The following ANKRD36C variants were observed in gnomAD, a reference collection of about 807,000 sequenced individuals.
The protein encoded by ANKRD36C is ankyrin repeat domain 36C.
A neutral mutation model predicts 276.4 loss-of-function variants in ANKRD36C; 61 were observed. The observed-to-expected ratio is 0.22, with a 90% CI of 0.18 to 0.27. ANKRD36C has a LOEUF of 0.27. Ranked by LOEUF, ANKRD36C falls within the 10% of genes least tolerant of loss-of-function variation. ANKRD36C has a pLI of 1.00. For missense variants in ANKRD36C, 1,447 were observed against 2,032.3 expected, an observed-to-expected ratio of 0.71 and a Z score of 5.54; for synonymous variants, 483 against 680.1, an observed-to-expected ratio of 0.71 and a Z score of 4.51.
At chr2:95,919,683 T>G in intron 34 of ANKRD36C, 50 bp downstream of exon 36, 1 of 800,936 alleles carries the variant, frequency 1.2e-6, no homozygotes, top group Non-Finnish European at 1.5e-6. Context: ...GATAGAGAAG[T>G]TCTTTTTTAT....
At chr2:95,974,917 C>A (rs4337509) in intron 6 of ANKRD36C, among the ~76,000 whole-genome samples, 1 of 149,654 alleles carries the variant, frequency 6.7e-6, no homozygotes, top group South Asian at 2.1e-4. Flanking sequence ...GGTTTTTTGT[C>A]CTTGCCATAG....
chr2:95,861,443 C>T (rs558527290), intron 60 of ANKRD36C, among the ~76,000 whole-genome samples: 3 of 150,550 alleles, frequency 2.0e-5, no homozygotes, highest in Admixed American at 1.3e-4. Context: ...ACCATAATCC[C>T]ACAGATTCAG....
At position 95,978,068 on chromosome 2, in the gene ANKRD36C, T is replaced by C. The variant is rs1678849646; in HGVS notation, c.799+54A>G. On this transcript the variant is annotated intron_variant, in intron 6 of 66. Transcript: ENST00000456556. ...TTTTTTGTAATCAAAACATCTTTAT[T>C]CTTTTTTATCTATGGTAGTACCATC... 9 of 597,314 alleles carry C rather than the reference T, an allele frequency of 1.5e-5. No homozygotes were observed. In the South Asian group the frequency reaches 1.9e-4, roughly 13 times the overall value. 37.0% of individuals were successfully genotyped at this position (597,314 alleles called of 1,614,324 possible). A position where few individuals can be genotyped will look rare whatever the true frequency, so the allele number is the denominator to read the frequency against.
intron 24 of ANKRD36C, among the ~76,000 whole-genome samples, chr2:95,929,566 G>A (rs1313830784): frequency 6.6e-6 from 1 of 151,524 alleles, no homozygotes; most frequent in Non-Finnish European, 1.5e-5. Flanking sequence ...TGAGTGATGA[G>A]GACAAATGTG....
At position 95,923,121 on chromosome 2, in the gene ANKRD36C, C is replaced by T. The variant is rs576648469; in HGVS notation, c.2143+374G>A. Among the ~76,000 whole-genome samples the T allele has an allele frequency of 2.0e-5, 3 of 151,664 alleles. No individual in the cohort carries two copies. The East Asian group carries it at 5.9e-4, about 30-fold the overall frequency. On this transcript the variant is annotated intron_variant, in intron 32 of 66. Transcript: ENST00000456556. ...TTTACTGGTTATTATGATCACTTTT[C>T]CATCTGTTTTTAGCAATACGATGTG...
Position 95,882,381 on chromosome 2 carries a change from G to A in ANKRD36C, c.3295-7C>T, listed in dbSNP as rs1372518319. ...CTTTCTTTTTAAATATAACCTGAAT[G>A]GAAAGAGAAACAAAATAGTCAATAC... is the stretch of plus-strand genomic sequence containing the variant. On this transcript the variant is annotated splice_region_variant and splice_polypyrimidine_tract_variant and intron_variant, in intron 55 of 66. Transcript: ENST00000456556. The A allele has an allele frequency of 6.5e-7, 1 of 1,549,098 alleles. No homozygotes were observed. The highest frequency in any genetic ancestry group is 2.4e-5 in the East Asian group (1 of 40,896).
chr2:95,963,921 C>A, intron 6 of ANKRD36C, among the ~76,000 whole-genome samples: 1 of 110,552 alleles, frequency 9.0e-6, no homozygotes, highest in Non-Finnish European at 1.8e-5. Context: ...TTATTAATAA[C>A]CAACCAAATA....
intron 62 of ANKRD36C, among the ~76,000 whole-genome samples, chr2:95,857,007 G>A (rs1484429668): frequency 5.9e-5 from 9 of 152,006 alleles, no homozygotes; most frequent in Non-Finnish European, 1.2e-4. Context: ...CATAACATTC[G>A]AAATGTAATT....
chr2:95,956,533 A>T (rs368432357), intron 13 of ANKRD36C, among the ~76,000 whole-genome samples: 1 of 151,720 alleles, frequency 6.6e-6, no homozygotes, highest in East Asian at 1.9e-4. Context: ...TGGTCAAATC[A>T]TGGGTTGGCT....
At chr2:95,888,689 T>C (rs1676261282) in intron 48 of ANKRD36C, among the ~76,000 whole-genome samples, 1 of 151,698 alleles carries the variant, frequency 6.6e-6, no homozygotes, top group African/African-American at 2.4e-5. Flanking sequence ...TATTCATTAT[T>C]TCTCACACCC....
intron 59 of ANKRD36C, among the ~76,000 whole-genome samples, chr2:95,875,538 G>C: frequency 8.9e-6 from 1 of 112,114 alleles, no homozygotes; most frequent in Non-Finnish European, 1.8e-5. Context: ...TGTGGGGTGG[G>C]GGGAGGGGGG....
intron 13 of ANKRD36C, among the ~76,000 whole-genome samples, chr2:95,956,347 A>G (rs988882711): frequency 3.3e-5 from 5 of 152,260 alleles, no homozygotes; most frequent in Non-Finnish European, 7.3e-5. Flanking sequence ...ATATTTGGAC[A>G]AAGTTTTGGA....
At position 95,880,765 on chromosome 2, in the gene ANKRD36C, G is replaced by A. The variant is rs1676059360; in HGVS notation, c.3368-142C>T. The A allele has an allele frequency of 3.7e-6, 4 of 1,088,822 alleles. No individual in the cohort carries two copies. The South Asian group carries it at 6.2e-5, about 17-fold the overall frequency. 67.4% of individuals were successfully genotyped at this position (1,088,822 alleles called of 1,614,324 possible). On this transcript the variant is annotated intron_variant, in intron 56 of 66. Transcript: ENST00000456556. ...ATGTTTTTCTAGTTTGTTTCTTTGG[G>A]ACAGTAATATGATAGAAATGCAATG...
chr2:95,960,387 A>G (rs1451336549), intron 10 of ANKRD36C, 86 bp downstream of exon 10: 27 of 1,487,398 alleles, frequency 1.8e-5, no homozygotes, highest in Non-Finnish European at 2.4e-5. Context: ...TGCAGCTTCA[A>G]TGAGCCCCCT....
intron 60 of ANKRD36C, among the ~76,000 whole-genome samples, chr2:95,862,334 C>T (rs1675606141): frequency 6.6e-6 from 1 of 151,988 alleles, no homozygotes; most frequent in African/African-American, 2.4e-5. Context: ...AAAGTATGTG[C>T]CCTGACCACA....
chr2:95,867,310 T>C (rs1675703263), intron 60 of ANKRD36C, 130 bp downstream of exon 80: 1 of 775,066 alleles, frequency 1.3e-6, no homozygotes, highest in Non-Finnish European at 2.0e-6. Context: ...CATTCTATTT[T>C]AACATAAGGC....
In ANKRD36C at chr2:95,920,187, C is replaced by T. The variant is rs113144152; in HGVS notation, c.2245+1420G>A. Among the ~76,000 whole-genome samples the T allele has an allele frequency of 2.6e-4, 35 of 132,546 alleles. 5 individuals are homozygous for T. Among genetic ancestry groups the T allele is most frequent in the South Asian group, 1.4e-3 (6 of 4,302 alleles). 87.0% of individuals were successfully genotyped at this position (132,546 alleles called of 152,430 possible). On this transcript the variant is annotated intron_variant, in intron 34 of 66. Coordinates refer to ENST00000456556, the Ensembl canonical transcript of ANKRD36C. Reference sequence around the variant, plus strand: ...TAAAATAAAACCGTGTCAATATCAACGTGGATATGCCGAGTGATGAGGACA... The same window carrying T: ...TAAAATAAAACCGTGTCAATATCAATGTGGATATGCCGAGTGATGAGGACA...
intron 36 of ANKRD36C, among the ~76,000 whole-genome samples, chr2:95,917,076 C>T (rs113790011): frequency 0.13 from 19,698 of 151,500 alleles, 1,969 homozygotes; most frequent in Non-Finnish European, 0.19. Context: ...GCTATTGTAT[C>T]CAAGACGTAG....
Position 95,927,211 on chromosome 2 carries a change from T to C in ANKRD36C, c.1939+3A>G, listed in dbSNP as rs755073350. On this transcript the variant is annotated splice_donor_region_variant and intron_variant, in intron 28 of 66. Transcript: ENST00000456556. ...TGACATTAAATGTGTTTTGCAAAAT[T>C]ACCTGTCCCAGATTGTTGTCCCTCC... The C allele has an allele frequency of 6.2e-7, 1 of 1,609,932 alleles. No individual in the cohort carries two copies. Among genetic ancestry groups the C allele is most frequent in the South Asian group, 1.1e-5 (1 of 91,020 alleles).
Sources: gnomAD v4.1 joint callset for allele counts (sites outside exome capture counted in the v4.1 genomes callset) on GRCh38, gnomAD v4.1.1 for gene constraint, MANE v1.5 for transcripts, NCBI Gene and HGNC (gene_info 2026-07-23, HGNC 2026-07-21) for gene names.